Variants in FOXN3 observed in about 807,000 individuals in gnomAD.
The protein encoded by FOXN3 is forkhead box N3.
A neutral mutation model predicts 38.4 loss-of-function variants in FOXN3; 7 were observed. That is an observed-to-expected ratio of 0.18 (90% CI 0.10 to 0.34). The LOEUF is 0.34. Among genes scored for constraint, FOXN3 ranks in the 10% least tolerant of loss-of-function variants. The probability of loss-of-function intolerance (pLI) is 1.00; values close to 1 mark genes in which losing one functional copy is unlikely to be tolerated. For missense variants in FOXN3, 456 were observed against 613.4 expected, an observed-to-expected ratio of 0.74 and a Z score of 2.71; for synonymous variants, 230 against 242.2, an observed-to-expected ratio of 0.95 and a Z score of 0.47.
intron 1 of FOXN3, among the ~76,000 whole-genome samples, chr14:89,500,737 G>A (rs934127409): frequency 1.3e-5 from 2 of 152,218 alleles, no homozygotes; most frequent in Admixed American, 1.3e-4. Context: ...CTGCCGGCTG[G>A]TGAGAGGTGG....
chr14:89,277,654 C>T (rs1436265270), intron 4 of FOXN3, among the ~76,000 whole-genome samples: 1 of 152,112 alleles, frequency 6.6e-6, no homozygotes, highest in African/African-American at 2.4e-5. Flanking sequence ...TTAATTCTTA[C>T]AATTGGTTTT....
At chr14:89,533,324 C>T (rs1415389780) in intron 1 of FOXN3, among the ~76,000 whole-genome samples, 1 of 152,160 alleles carries the variant, frequency 6.6e-6, no homozygotes, top group Non-Finnish European at 1.5e-5. Flanking sequence ...CTCAAAAGCG[C>T]AATCCAGGGG....
At chr14:89,337,497 T>C in intron 3 of FOXN3, among the ~76,000 whole-genome samples, 1 of 152,168 alleles carries the variant, frequency 6.6e-6, no homozygotes, top group Non-Finnish European at 1.5e-5. Context: ...TCCGGCGCCT[T>C]ACCTTTCAAG....
rs146246786 is a variant in FOXN3 at position 89,465,130 on chromosome 14, T to C, written c.-14-52640A>G. 4.9e-4 allele frequency among the ~76,000 whole-genome samples: 75 copies of C among 152,302 alleles called. No individual in the cohort carries two copies. The East Asian group carries it at 0.014, about 27-fold the overall frequency. On this transcript the variant is annotated intron_variant, in intron 1 of 6. Coordinates refer to the FOXN3 transcript ENST00000345097. Reference sequence around the variant, plus strand: ...GTGTTTGCTTCCCCTTCTGCCATGATTGTAAGTTTCCTGAGGCCTCCCCAG... The same window carrying C: ...GTGTTTGCTTCCCCTTCTGCCATGACTGTAAGTTTCCTGAGGCCTCCCCAG...
intron 1 of FOXN3, among the ~76,000 whole-genome samples, chr14:89,562,218 T>C (rs1435741408): frequency 6.6e-6 from 1 of 152,188 alleles, no homozygotes; most frequent in East Asian, 1.9e-4. Flanking sequence ...AGTTGTCGTC[T>C]GCAGGGTTTT....
intron 3 of FOXN3, among the ~76,000 whole-genome samples, chr14:89,287,791 C>G (rs111564974): frequency 0.022 from 3,285 of 148,170 alleles, 135 homozygotes; most frequent in African/African-American, 0.075. Flanking sequence ...TGGCTCACCC[C>G]TGTAACCTCA....
At chr14:89,417,749 C>G (rs1566649118), upstream of FOXN3, 1 of 455,922 alleles carries the variant, frequency 2.2e-6, no homozygotes, top group Non-Finnish European at 4.4e-6. Context: ...TGATAGGACC[C>G]CCAGGGCCTT....
chr14:89,515,897 A>T (rs1408724769), intron 1 of FOXN3, among the ~76,000 whole-genome samples: 3 of 152,194 alleles, frequency 2.0e-5, no homozygotes, highest in Non-Finnish European at 4.4e-5. Flanking sequence ...CCGGAGGAGC[A>T]TGTAAAGTAC....
chr14:89,269,474 T>C (rs1458379993), intron 4 of FOXN3, among the ~76,000 whole-genome samples: 4 of 151,566 alleles, frequency 2.6e-5, no homozygotes, highest in Non-Finnish European at 5.9e-5. Flanking sequence ...ACTTGCTTTT[T>C]GTTTTGTTTT....
chr14:89,586,687 T>C (rs1412411524), intron 1 of FOXN3, among the ~76,000 whole-genome samples: 1 of 152,206 alleles, frequency 6.6e-6, no homozygotes, highest in Non-Finnish European at 1.5e-5. Context: ...CAGGTAGATT[T>C]AAACTAAACA....
chr14:89,191,973 T>TATATATATATATATATATATATATATA (rs1481298307), intron 4 of FOXN3, among the ~76,000 whole-genome samples: 1 of 135,216 alleles, frequency 7.4e-6, no homozygotes, highest in African/African-American at 3.2e-5. Flanking sequence ...CACATATATA[T>TATATATATATATATATATATATATATA]AACTATAATA....
intron 1 of FOXN3, among the ~76,000 whole-genome samples, chr14:89,497,819 A>G (rs1893716811): frequency 6.6e-6 from 1 of 151,990 alleles, no homozygotes; most frequent in South Asian, 2.1e-4. Context: ...CTGCCGTACT[A>G]TTTTCCACAG....
At chr14:89,269,596 G>GC (rs1160923175) in intron 4 of FOXN3, among the ~76,000 whole-genome samples, 4 of 151,560 alleles carry the variant, frequency 2.6e-5, no homozygotes, top group African/African-American at 7.3e-5. Context: ...GGTAATGGTC[G>GC]CAACAGTTGT....
rs1347112594 is a variant in FOXN3 at position 89,158,018 on chromosome 14, T to C, written c.*4396A>G. 1 of 152,398 alleles carries C rather than the reference T, an allele frequency of 6.6e-6. No homozygotes were observed. Among genetic ancestry groups the C allele is most frequent in the East Asian group, 1.9e-4 (1 of 5,194 alleles). 9.4% of individuals were successfully genotyped at this position (152,398 alleles called of 1,614,324 possible). A position where few individuals can be genotyped will look rare whatever the true frequency, so the allele number is the denominator to read the frequency against. On this transcript the variant is annotated 3_prime_UTR_variant, in exon 6 of 6. Transcript: ENST00000557258. Reference sequence around the variant, plus strand: ...CTGTGATCCACCAGAAAGAAACGAGTCCCAACCTGGATTAAAGGGAAAGAG... The same window carrying C: ...CTGTGATCCACCAGAAAGAAACGAGCCCCAACCTGGATTAAAGGGAAAGAG...
chr14:89,591,501 T>C (rs1895950105), intron 1 of FOXN3, among the ~76,000 whole-genome samples: 1 of 152,216 alleles, frequency 6.6e-6, no homozygotes, highest in Non-Finnish European at 1.5e-5. Flanking sequence ...CCCCAGTCCA[T>C]GAGCAGCGCT....
At chr14:89,277,447 C>G (rs990409295) in intron 4 of FOXN3, among the ~76,000 whole-genome samples, 1 of 152,094 alleles carries the variant, frequency 6.6e-6, no homozygotes, top group South Asian at 2.1e-4. Flanking sequence ...CTGTAGCAGC[C>G]TAAATGGCAT....
intron 1 of FOXN3, among the ~76,000 whole-genome samples, chr14:89,594,261 G>A (rs1353358532): frequency 1.3e-5 from 2 of 152,198 alleles, no homozygotes; most frequent in Non-Finnish European, 2.9e-5. Flanking sequence ...ATACGCATAT[G>A]TTCATCTTTT....
chr14:89,323,388 C>T (rs1851240079), intron 3 of FOXN3, among the ~76,000 whole-genome samples: 1 of 151,208 alleles, frequency 6.6e-6, no homozygotes, highest in African/African-American at 2.4e-5. Flanking sequence ...GAGAAGGTGA[C>T]ACCTGAGCAA....
At chr14:89,322,226 C>G (rs1162212219) in intron 3 of FOXN3, among the ~76,000 whole-genome samples, 2 of 152,200 alleles carry the variant, frequency 1.3e-5, no homozygotes, top group African/African-American at 4.8e-5. Context: ...TTAAATCTCA[C>G]AGCTTGAACA....
Sources: allele counts gnomAD v4.1 joint callset (sites outside exome capture counted in the v4.1 genomes callset), GRCh38; gene constraint gnomAD v4.1.1; transcripts MANE v1.5; gene names NCBI Gene and HGNC (gene_info 2026-07-23, HGNC 2026-07-21).